The following TNNI3K variants were observed in gnomAD, a reference collection of about 807,000 sequenced individuals.
TNNI3K encodes the protein serine/threonine-protein kinase TNNI3K.
A neutral mutation model predicts 114.5 loss-of-function variants in TNNI3K; 140 were observed. That is an observed-to-expected ratio of 1.22 (90% CI 1.07 to 1.41). TNNI3K has a LOEUF of 1.41. Ranked by LOEUF, TNNI3K falls within the 40% of genes most tolerant of loss-of-function variation. TNNI3K has a pLI of 0.00. For synonymous variants in TNNI3K, 347 were observed against 347.5 expected, an observed-to-expected ratio of 1.00 and a Z score of 0.02; for missense variants, 1,125 against 1,007.6, an observed-to-expected ratio of 1.12 and a Z score of -1.58.
At chr1:74,527,866 T>C (rs1397748395) in intron 23 of TNNI3K, among the ~76,000 whole-genome samples, 3 of 151,856 alleles carry the variant, frequency 2.0e-5, no homozygotes, top group Non-Finnish European at 4.4e-5. Context: ...CCAAGTAAGG[T>C]GTGGAGAATG....
intron 23 of TNNI3K, among the ~76,000 whole-genome samples, chr1:74,501,933 A>G (rs1290676822): frequency 1.3e-5 from 2 of 152,078 alleles, no homozygotes; most frequent in Non-Finnish European, 2.9e-5. Flanking sequence ...GAATAATGTA[A>G]GATATTTATC....
rs1464039404 is a variant in TNNI3K, at chr1:74,447,810, C to T, written c.2011+8188C>T. Among the ~76,000 whole-genome samples, 7 of 2,950 alleles carry T rather than the reference C, an allele frequency of 2.4e-3. No homozygotes were observed. In the East Asian group the frequency reaches 0.03, roughly 13 times the overall value. 1.9% of individuals were successfully genotyped at this position (2,950 alleles called of 152,430 possible). On this transcript the variant is annotated intron_variant, in intron 20 of 24. Coordinates refer to ENST00000326637, the MANE Select transcript of TNNI3K (RefSeq NM_015978.3). ...ATGCTGCTATAAAGACACATGCACACGTATGTTTATTGCGGCACTATTCAC... is the reference window on the plus strand; with the variant it reads ...ATGCTGCTATAAAGACACATGCACATGTATGTTTATTGCGGCACTATTCAC...
intron 4 of TNNI3K, among the ~76,000 whole-genome samples, chr1:74,258,543 A>G (rs572996524): frequency 1.3e-5 from 2 of 152,288 alleles, no homozygotes; most frequent in South Asian, 2.1e-4. Context: ...TTTATTTGCC[A>G]GTAGAGAAAG....
intron 23 of TNNI3K, among the ~76,000 whole-genome samples, chr1:74,508,052 C>T (rs1013924192): frequency 6.6e-5 from 10 of 151,838 alleles, no homozygotes; most frequent in South Asian, 2.1e-4. Context: ...TATACAATGA[C>T]GGGCACACGA....
At chr1:74,444,784 A>G (rs1316139893) in intron 20 of TNNI3K, among the ~76,000 whole-genome samples, 1 of 152,002 alleles carries the variant, frequency 6.6e-6, no homozygotes, top group African/African-American at 2.4e-5. Context: ...AAACTGCACT[A>G]CAAGACTACA....
chr1:74,496,109 C>G (rs948966856), intron 23 of TNNI3K, among the ~76,000 whole-genome samples: 8 of 152,170 alleles, frequency 5.3e-5, no homozygotes, highest in Admixed American at 5.2e-4. Context: ...GGTTGGCACC[C>G]AGGCATCAGA....
At chr1:74,416,021 A>G (rs74093566) in intron 17 of TNNI3K, among the ~76,000 whole-genome samples, 12,970 of 152,088 alleles carry the variant, frequency 0.085, 754 homozygotes, top group African/African-American at 0.16. Flanking sequence ...TTCTAGGATG[A>G]CCCAGTCTGA....
intron 9 of TNNI3K, among the ~76,000 whole-genome samples, chr1:74,352,038 G>A (rs1323143404): frequency 6.6e-6 from 1 of 152,130 alleles, no homozygotes; most frequent in Non-Finnish European, 1.5e-5. Context: ...GAGGAGGAGA[G>A]GTGCTCTGCT....
intron 23 of TNNI3K, among the ~76,000 whole-genome samples, chr1:74,506,930 TATC>T (rs1382561705): frequency 1.3e-5 from 2 of 152,216 alleles, no homozygotes; most frequent in African/African-American, 2.4e-5. Flanking sequence ...TTCTACTTGG[TATC>T]ATGTCTCTGT....
chr1:74,317,148 C>T (rs1212794158), intron 5 of TNNI3K, among the ~76,000 whole-genome samples: 2 of 152,098 alleles, frequency 1.3e-5, no homozygotes, highest in Non-Finnish European at 2.9e-5. Flanking sequence ...ATTCTCAGTT[C>T]CTAACACAGC....
At chr1:74,423,460 G>A (rs759729417) in intron 17 of TNNI3K, among the ~76,000 whole-genome samples, 6 of 152,100 alleles carry the variant, frequency 3.9e-5, no homozygotes, top group Non-Finnish European at 7.4e-5. Context: ...CAAAGCATAT[G>A]TGGAGGAAAG....
At chr1:74,496,095 A>G (rs992939566) in intron 23 of TNNI3K, among the ~76,000 whole-genome samples, 1 of 152,182 alleles carries the variant, frequency 6.6e-6, no homozygotes, top group Admixed American at 6.5e-5. Context: ...ACCAAAACCC[A>G]TGGGGTTGGC....
chr1:74,504,688 T>C (rs1669800783), intron 23 of TNNI3K, among the ~76,000 whole-genome samples: 1 of 152,104 alleles, frequency 6.6e-6, no homozygotes, highest in Non-Finnish European at 1.5e-5. Flanking sequence ...AAGATTTGCA[T>C]GAAAAGAGTG....
At chr1:74,338,067 C>CAT (rs1000720456) in intron 7 of TNNI3K, among the ~76,000 whole-genome samples, 5 of 151,816 alleles carry the variant, frequency 3.3e-5, no homozygotes, top group Non-Finnish European at 5.9e-5. Context: ...TATAAACACA[C>CAT]ATATATATAT....
At chr1:74,333,179 T>G (rs1462650822) in intron 6 of TNNI3K, among the ~76,000 whole-genome samples, 1 of 152,220 alleles carries the variant, frequency 6.6e-6, no homozygotes, top group Non-Finnish European at 1.5e-5. Flanking sequence ...CTTGTGTCCC[T>G]GTGCTCAATA....
intron 5 of TNNI3K, among the ~76,000 whole-genome samples, chr1:74,306,566 C>T (rs761000206): frequency 1.3e-5 from 2 of 152,170 alleles, no homozygotes; most frequent in Non-Finnish European, 2.9e-5. Context: ...TTAATAATAG[C>T]CATTCTGACT....
rs117537140 is a variant in TNNI3K at position 74,401,228 on chromosome 1, A to T, written c.1772+30836A>T. On this transcript the variant is annotated intron_variant, in intron 17 of 24. Transcript: ENST00000326637. ...ATGTGTGCATGCATATGACACATCAAATGCCATATATGGTTGATTTTCTAG... is the reference window on the plus strand; with the variant it reads ...ATGTGTGCATGCATATGACACATCATATGCCATATATGGTTGATTTTCTAG... 5.2e-3 allele frequency among the ~76,000 whole-genome samples: 792 copies of T among 152,308 alleles called. 8 individuals carry two copies. In the East Asian group the frequency reaches 0.054, roughly 10 times the overall value.
At chr1:74,454,090 G>T (rs996414695) in intron 20 of TNNI3K, among the ~76,000 whole-genome samples, 1 of 151,860 alleles carries the variant, frequency 6.6e-6, no homozygotes, top group African/African-American at 2.4e-5. Flanking sequence ...ATGTTATTAT[G>T]GATACATAAT....
intron 24 of TNNI3K, among the ~76,000 whole-genome samples, chr1:74,543,061 TC>T (rs368879900): frequency 7.5e-5 from 8 of 106,814 alleles, no homozygotes; most frequent in African/African-American, 2.4e-4. Context: ...TTTTTCTTTT[TC>T]CCTTTTTTTT....
Sources: gnomAD v4.1 joint callset for allele counts (sites outside exome capture counted in the v4.1 genomes callset) on GRCh38, gnomAD v4.1.1 for gene constraint, MANE v1.5 for transcripts, NCBI Gene and HGNC (gene_info 2026-07-23, HGNC 2026-07-21) for gene names.